ZNF385B: variants seen among roughly 807,000 people sequenced by gnomAD.
The protein encoded by ZNF385B is zinc finger protein 533.
In ZNF385B, 23 loss-of-function variants were observed where a neutral mutation model predicts 39.2. The observed-to-expected ratio is 0.59, with a 90% CI of 0.42 to 0.83. ZNF385B has a LOEUF of 0.83. Among genes scored for constraint, ZNF385B ranks in the 40% least tolerant of loss-of-function variants. The probability of loss-of-function intolerance (pLI) is 0.00; values close to 1 mark genes in which losing one functional copy is unlikely to be tolerated. For synonymous variants in ZNF385B, 205 were observed against 222.6 expected, an observed-to-expected ratio of 0.92 and a Z score of 0.70; for missense variants, 552 against 598.9, an observed-to-expected ratio of 0.92 and a Z score of 0.82.
chr2:179,736,087 T>C (rs1701738608), intron 3 of ZNF385B, among the ~76,000 whole-genome samples: 1 of 152,100 alleles, frequency 6.6e-6, no homozygotes, highest in South Asian at 2.1e-4. Context: ...TGTAAATATA[T>C]TTAAATGTGA....
intron 3 of ZNF385B, among the ~76,000 whole-genome samples, chr2:179,596,273 C>T (rs373493781): frequency 2.0e-5 from 3 of 152,172 alleles, no homozygotes; most frequent in African/African-American, 7.2e-5. Context: ...ACTACTGGTT[C>T]TGCTTGCTGA....
intron 3 of ZNF385B, among the ~76,000 whole-genome samples, chr2:179,615,031 C>T (rs1338890216): frequency 1.3e-5 from 2 of 152,204 alleles, no homozygotes; most frequent in Admixed American, 6.5e-5. Context: ...CCTCCTGTCC[C>T]TTCCATCACT....
intron 3 of ZNF385B, among the ~76,000 whole-genome samples, chr2:179,627,004 G>A (rs1690720433): frequency 6.6e-6 from 1 of 152,142 alleles, no homozygotes; most frequent in African/African-American, 2.4e-5. Context: ...TCAAGTCTAA[G>A]ATAATACTTA....
intron 1 of ZNF385B, among the ~76,000 whole-genome samples, chr2:179,840,850 T>C (rs909545006): frequency 6.6e-6 from 1 of 152,196 alleles, no homozygotes; most frequent in Non-Finnish European, 1.5e-5. Flanking sequence ...AGGGATTCCA[T>C]GAAAAAAAGA....
At chr2:179,501,591 G>A (rs1559354015) in intron 5 of ZNF385B, among the ~76,000 whole-genome samples, 1 of 152,184 alleles carries the variant, frequency 6.6e-6, no homozygotes, top group African/African-American at 2.4e-5. Context: ...AAGGGTAGCG[G>A]GGAGCTGGGA....
intron 1 of ZNF385B, among the ~76,000 whole-genome samples, chr2:179,786,178 G>A (rs1704989074): frequency 6.6e-6 from 1 of 152,104 alleles, no homozygotes; most frequent in Non-Finnish European, 1.5e-5. Context: ...TTTTTTAGAT[G>A]TGATTAGATT....
At chr2:179,616,408 ACT>A in intron 3 of ZNF385B, among the ~76,000 whole-genome samples, 1 of 148,710 alleles carries the variant, frequency 6.7e-6, no homozygotes, top group South Asian at 2.1e-4. Flanking sequence ...ATCTTGGCTC[ACT>A]GCAACCTCCA....
chr2:179,747,354 C>T (rs182720526), intron 3 of ZNF385B, among the ~76,000 whole-genome samples: 3 of 152,220 alleles, frequency 2.0e-5, no homozygotes, highest in East Asian at 3.9e-4. Context: ...CATGCGTGTG[C>T]GTATACATAT....
At chr2:179,748,484 C>T (rs1206966901) in intron 3 of ZNF385B, among the ~76,000 whole-genome samples, 1 of 151,942 alleles carries the variant, frequency 6.6e-6, no homozygotes, top group African/African-American at 2.4e-5. Flanking sequence ...GCAAAATATC[C>T]ATAATGTTAA....
chr2:179,478,158 T>A (rs938178311), intron 6 of ZNF385B, among the ~76,000 whole-genome samples: 4 of 152,184 alleles, frequency 2.6e-5, no homozygotes, highest in African/African-American at 9.6e-5. Context: ...AACCTTCCCA[T>A]AACCCAGGTT....
rs1322253969 is a variant in ZNF385B at position 179,861,382 on chromosome 2, C to A, written c.-436G>T. On this transcript the variant is annotated 5_prime_UTR_variant, in exon 1 of 10. Transcript: ENST00000410066. Reference sequence around the variant, plus strand: ...CCGCTGCCCCCGCGCTGAGCGCCTGCGCACCGGGCCTCGCCCAGGTGAGGG... The same window carrying A: ...CCGCTGCCCCCGCGCTGAGCGCCTGAGCACCGGGCCTCGCCCAGGTGAGGG... The A allele has an allele frequency of 6.7e-6, 1 of 150,002 alleles. No homozygotes were observed. 9.3% of individuals were successfully genotyped at this position (150,002 alleles called of 1,614,324 possible).
At chr2:179,761,837 T>G (rs2106489206) in intron 3 of ZNF385B, among the ~76,000 whole-genome samples, 1 of 148,420 alleles carries the variant, frequency 6.7e-6, no homozygotes, top group South Asian at 2.1e-4. Flanking sequence ...TAGGCTCAAG[T>G]GATCCTCTTT....
At chr2:179,558,418 C>T (rs1173219784) in intron 3 of ZNF385B, among the ~76,000 whole-genome samples, 4 of 152,100 alleles carry the variant, frequency 2.6e-5, no homozygotes, top group African/African-American at 4.8e-5. Flanking sequence ...TACAAATTAT[C>T]CTTTTTAAAA....
chr2:179,735,080 C>T (rs971095317), intron 3 of ZNF385B, among the ~76,000 whole-genome samples: 3 of 152,094 alleles, frequency 2.0e-5, no homozygotes, highest in Admixed American at 1.3e-4. Flanking sequence ...AAACTACCAT[C>T]AGAGTGAACA....
intron 3 of ZNF385B, among the ~76,000 whole-genome samples, chr2:179,683,477 AT>A (rs769818144): frequency 0.057 from 8,033 of 140,910 alleles, 204 homozygotes; most frequent in Middle Eastern, 0.077. Context: ...ACATTTTTGA[AT>A]TTTTTTTTTT....
intron 8 of ZNF385B, 150 bp downstream of exon 8, chr2:179,445,400 T>C (rs1009267610): frequency 1.7e-4 from 115 of 682,722 alleles, no homozygotes; most frequent in South Asian, 8.3e-5. Flanking sequence ...TTTTCTTCCA[T>C]GTTAGCACCT....
At chr2:179,766,066 A>ACACACACACACACACACAC (rs1559174922) in intron 3 of ZNF385B, among the ~76,000 whole-genome samples, 1 of 146,706 alleles carries the variant, frequency 6.8e-6, no homozygotes, top group Non-Finnish European at 1.5e-5. Flanking sequence ...ACACACACAC[A>ACACACACACACACACACAC]GCAGACTGGT....
At chr2:179,831,809 G>T (rs990369436) in intron 1 of ZNF385B, among the ~76,000 whole-genome samples, 2 of 152,174 alleles carry the variant, frequency 1.3e-5, no homozygotes, top group Admixed American at 1.3e-4. Flanking sequence ...TGCCACTCCT[G>T]TGCCAAGCAC....
At chr2:179,775,750 G>A (rs1192056661) in intron 1 of ZNF385B, among the ~76,000 whole-genome samples, 1 of 152,200 alleles carries the variant, frequency 6.6e-6, no homozygotes, top group Non-Finnish European at 1.5e-5. Flanking sequence ...CGTATTATGT[G>A]AAGGTAAAGC....
Sources: allele counts gnomAD v4.1 joint callset (sites outside exome capture counted in the v4.1 genomes callset), GRCh38; gene constraint gnomAD v4.1.1; transcripts MANE v1.5; gene names NCBI Gene and HGNC (gene_info 2026-07-23, HGNC 2026-07-21).